Variants in FAM222B observed in about 807,000 individuals in gnomAD.
FAM222B encodes the protein protein FAM222B.
FAM222B carries 12 observed loss-of-function variants against 38.0 expected under a neutral mutation model. The observed-to-expected ratio is 0.32, with a 90% CI of 0.20 to 0.51. FAM222B has a LOEUF of 0.51. Ranked by LOEUF, FAM222B falls within the 20% of genes least tolerant of loss-of-function variation. FAM222B has a pLI of 0.97. For synonymous variants in FAM222B, 329 were observed against 317.2 expected (o/e 1.04, Z -0.40); for missense variants, 716 against 754.2 (o/e 0.95, Z 0.59).
intron 1 of FAM222B, among the ~76,000 whole-genome samples, chr17:28,772,235 A>T (rs917669690): frequency 3.5e-4 from 53 of 152,166 alleles, no homozygotes; most frequent in Non-Finnish European, 7.4e-5. Context: ...TTTGGAAAGA[A>T]CCAATCTTTG....
intron 1 of FAM222B, among the ~76,000 whole-genome samples, chr17:28,803,825 C>A (rs532395920): frequency 1.8e-3 from 274 of 151,518 alleles, no homozygotes; most frequent in Non-Finnish European, 2.9e-3. Flanking sequence ...TAAAAAAATA[C>A]AAAAAAATTA....
At chr17:28,783,599 G>A (rs1732981230) in intron 1 of FAM222B, among the ~76,000 whole-genome samples, 1 of 148,810 alleles carries the variant, frequency 6.7e-6, no homozygotes, top group Non-Finnish European at 1.5e-5. Flanking sequence ...TGCAACCTCC[G>A]CTTCCCAGGT....
chr17:28,817,344 C>T (rs755551931), intron 1 of FAM222B, among the ~76,000 whole-genome samples: 12 of 151,180 alleles, frequency 7.9e-5, no homozygotes, highest in Non-Finnish European at 1.6e-4. Flanking sequence ...ACCTGGGAGA[C>T]AGAGATTGCA....
intron 1 of FAM222B, among the ~76,000 whole-genome samples, chr17:28,798,206 A>G (rs1442299856): frequency 6.6e-6 from 1 of 151,990 alleles, no homozygotes; most frequent in Non-Finnish European, 1.5e-5. Context: ...GCCTGGCAAG[A>G]GCAAAACCTA....
chr17:28,764,200 A>C (rs1486719025), intron 2 of FAM222B, among the ~76,000 whole-genome samples: 2 of 142,830 alleles, frequency 1.4e-5, no homozygotes, highest in African/African-American at 5.3e-5. Flanking sequence ...TAAACCCGGG[A>C]GATGGAGGTT....
intron 1 of FAM222B, among the ~76,000 whole-genome samples, chr17:28,781,758 G>C (rs982302097): frequency 7.2e-5 from 11 of 152,154 alleles, no homozygotes; most frequent in Admixed American, 1.3e-4. Flanking sequence ...AGGACATTAT[G>C]TTAAGTGAAA....
At chr17:28,780,674 T>G (rs777575164) in intron 1 of FAM222B, among the ~76,000 whole-genome samples, 3 of 151,816 alleles carry the variant, frequency 2.0e-5, no homozygotes, top group Non-Finnish European at 2.9e-5. Flanking sequence ...CTGAGGTCAG[T>G]AGTTCGAGAC....
chr17:28,840,565 TAGAGGGC>T (rs1214136464), intron 1 of FAM222B, among the ~76,000 whole-genome samples: 1 of 152,098 alleles, frequency 6.6e-6, no homozygotes, highest in Admixed American at 6.6e-5. Flanking sequence ...AAAGCAGAGC[TAGAGGGC>T]TGCCTTATGC....
In FAM222B at chr17:28,776,325, G is replaced by A. The variant is rs139690393; in HGVS notation, c.-40-9618C>T. ...CCAGGAAGCAGAGTTGCAATGAGGC[G>A]AGATCACGCCACTGCACTCCAGCCT... is the stretch of plus-strand genomic sequence containing the variant. On this transcript the variant is annotated intron_variant, in intron 1 of 2. Coordinates refer to ENST00000581407, the MANE Select transcript of FAM222B (RefSeq NM_001077498.3). Among the ~76,000 whole-genome samples the A allele has an allele frequency of 4.7e-3, 572 of 122,366 alleles. 7 individuals carry two copies. Among genetic ancestry groups the A allele is most frequent in the African/African-American group, 0.017 (512 of 30,918 alleles). The allele number at this position is 122,366 out of a possible 152,430, so 80.3% of individuals were successfully genotyped here. A position where few individuals can be genotyped will look rare whatever the true frequency, so the allele number is the denominator to read the frequency against.
rs188313452 is a variant in FAM222B at position 28,850,204 on chromosome 17, G to A, written c.-41+4746C>T. ...ACTCTTGATAGCATGAGGGGCCAGC[G>A]GGCAGGGATTGCGATTTGAATTTCT... On this transcript the variant is annotated intron_variant, in intron 1 of 2. Transcript: ENST00000577513. Among the ~76,000 whole-genome samples the A allele has an allele frequency of 2.8e-3, 421 of 152,188 alleles. 9 individuals are homozygous for A. Among genetic ancestry groups the A allele is most frequent in the Admixed American group, 0.023 (356 of 15,262 alleles).
chr17:28,780,131 C>A (rs2036102577), intron 1 of FAM222B, among the ~76,000 whole-genome samples: 1 of 151,946 alleles, frequency 6.6e-6, no homozygotes, highest in African/African-American at 2.4e-5. Context: ...GCCACCATGT[C>A]CGGCTAATTT....
At chr17:28,801,138 C>T (rs2037200403) in intron 1 of FAM222B, among the ~76,000 whole-genome samples, 1 of 145,422 alleles carries the variant, frequency 6.9e-6, no homozygotes, top group Non-Finnish European at 1.5e-5. Context: ...GCTTGGACGA[C>T]AGAGCGAGAC....
chr17:28,789,847 T>C lies in FAM222B; in HGVS notation c.-40-23140A>G, dbSNP rs77106757. On this transcript the variant is annotated intron_variant, in intron 1 of 2. Transcript: ENST00000581407. Reference sequence around the variant, plus strand: ...ATCAAAGGACAAAGAAGGCACAAGATGCTTAGTTGGTGAGGGAAACCCCAG... The same window carrying C: ...ATCAAAGGACAAAGAAGGCACAAGACGCTTAGTTGGTGAGGGAAACCCCAG... Among the ~76,000 whole-genome samples, 11 of 152,286 alleles carry C rather than the reference T, an allele frequency of 7.2e-5. No homozygotes were observed. In the East Asian group the frequency reaches 2.1e-3, roughly 29 times the overall value.
At chr17:28,845,939 C>T (rs2039142401), upstream of FAM222B, among the ~76,000 whole-genome samples, 1 of 150,650 alleles carries the variant, frequency 6.6e-6, no homozygotes, top group African/African-American at 2.4e-5. Flanking sequence ...CCTGGTGGCT[C>T]ACGCCTGTAA....
intron 1 of FAM222B, among the ~76,000 whole-genome samples, chr17:28,786,627 T>C (rs901497243): frequency 6.6e-6 from 1 of 152,160 alleles, no homozygotes; most frequent in Non-Finnish European, 1.5e-5. Context: ...TTTTGGAAGC[T>C]GGGCATCATA....
chr17:28,767,027 T>C (rs540208546), intron 1 of FAM222B: 4 of 201,292 alleles, frequency 2.0e-5, no homozygotes, highest in East Asian at 1.3e-4. Context: ...TGGGCCCTCA[T>C]AGGGCCTGGC....
chr17:28,853,006 C>A (rs1342493377), intron 1 of FAM222B, among the ~76,000 whole-genome samples: 1 of 151,980 alleles, frequency 6.6e-6, no homozygotes, highest in East Asian at 1.9e-4. Flanking sequence ...CCAGCCTGAC[C>A]AACATGGAGA....
At chr17:28,843,137 T>G (rs1567912484), upstream of FAM222B, among the ~76,000 whole-genome samples, 1 of 149,390 alleles carries the variant, frequency 6.7e-6, no homozygotes, top group East Asian at 2.0e-4. Flanking sequence ...TAAATTTGGG[T>G]CTTTTTTTTT....
chr17:28,766,733 GA>G (rs1444038083), intron 1 of FAM222B, 26 bp from the exon 2 acceptor site: 4 of 1,297,122 alleles, frequency 3.1e-6, no homozygotes, highest in Non-Finnish European at 4.4e-6. Flanking sequence ...ACAAGGTCAT[GA>G]AACACAAGGC....
Sources: allele counts gnomAD v4.1 joint callset (sites outside exome capture counted in the v4.1 genomes callset), GRCh38; gene constraint gnomAD v4.1.1; transcripts MANE v1.5; gene names NCBI Gene and HGNC (gene_info 2026-07-23, HGNC 2026-07-21).